The following SMG8 variants were observed in gnomAD, a reference collection of about 807,000 sequenced individuals.
SMG8 encodes SMG8 nonsense mediated mRNA decay factor.
A neutral mutation model predicts 82.1 loss-of-function variants in SMG8; 49 were observed. The observed-to-expected ratio is 0.60, with a 90% confidence interval of 0.47 to 0.76. SMG8 has a LOEUF of 0.76. SMG8 is among the 30% of genes least tolerant of loss of function. The pLI is 0.00. For missense variants in SMG8, 969 were observed against 1,166.4 expected (o/e 0.83, Z 2.46); for synonymous variants, 404 against 430.0 (o/e 0.94, Z 0.75).
Position 59,214,919 on chromosome 17 carries a change from G to C in SMG8, c.2893G>C (p.Gly965Arg). Reference protein sequence around the residue: ...RFPYAYVTERGPCFPPKENVQ... With the variant: ...RFPYAYVTERRPCFPPKENVQ... The stretch of plus-strand genomic sequence containing the variant: ...TCCTTATGCATATGTGACTGAGAGA[G>C]GACCTTGTTTCCCCCCTAAGGAAAA... Residue 965 changes from glycine to arginine, a missense_variant, in exon 4 of 4, where the codon GGA becomes CGA. Transcript: ENST00000300917. 1.1e-6 allele frequency: 1 copy of C among 872,876 alleles called. No homozygotes were observed. Among genetic ancestry groups the C allele is most frequent in the Admixed American group, 1.7e-5 (1 of 59,154 alleles). 54.1% of individuals were successfully genotyped at this position (872,876 alleles called of 1,614,324 possible).
Position 59,213,055 on chromosome 17 carries a change from T to A in SMG8, c.2232T>A (p.Val744=), listed in dbSNP as rs1228944933. The part of the protein sequence containing the change: ...PNFVDRQAST[V]EYLPGMLHSN... The stretch of plus-strand genomic sequence containing the variant: ...TCGTTGATCGACAGGCATCCACAGT[T>A]GAGTATCTCCCAGGCATGCTACATT... Residue 744 remains valine (V), a synonymous_variant, in exon 3 of 4, where the codon GTT becomes GTA. Transcript: ENST00000300917. 1 of 1,614,050 alleles carries A rather than the reference T, an allele frequency of 6.2e-7. No individual in the cohort carries two copies. Among genetic ancestry groups the A allele is most frequent in the Admixed American group, 1.7e-5 (1 of 59,996 alleles).
chr17:59,210,444 C>T lies in SMG8; in HGVS notation c.393C>T (p.Gly131=), dbSNP rs1202270964. Residue 131 remains glycine, a synonymous_variant, in exon 1 of 4, where the codon GGC becomes GGT. Transcript: ENST00000300917. ...CGGAAGGTAACCGAACTGAGGCAGG[C>T]TCCCAGGACTACAGCCTTCTGCAGG... is the stretch of plus-strand genomic sequence containing the variant. ...AVAEGNRTEA[G]SQDYSLLQAY... 3 of 1,608,460 alleles carry T rather than the reference C, an allele frequency of 1.9e-6. No individual in the cohort carries two copies. The highest frequency in any genetic ancestry group is 1.3e-5 in the African/African-American group (1 of 74,878).
intron 1 of SMG8, 149 bp downstream of exon 1, chr17:59,211,959 T>G: frequency 1.6e-6 from 1 of 628,530 alleles, no homozygotes. Flanking sequence ...TCTCTCCTGC[T>G]GTAAAAGGAA....
chr17:59,215,050 T>G lies in SMG8; in HGVS notation c.*48T>G. On this transcript the variant is annotated 3_prime_UTR_variant, in exon 4 of 4. Transcript: ENST00000300917. ...CTATACTTGAGCTGGTTTTTGTTTT[T>G]GGTATTTGTGGCTGTGTTTTTGGTA... The G allele has an allele frequency of 3.5e-6, 3 of 853,410 alleles. No homozygotes were observed. The highest frequency in any genetic ancestry group is 6.1e-6 in the Non-Finnish European group (3 of 488,914). 52.9% of individuals were successfully genotyped at this position (853,410 alleles called of 1,614,324 possible).
In SMG8 at chr17:59,212,916, G is replaced by A; in HGVS notation, c.2093G>A (p.Ser698Asn). Residue 698 changes from serine (S) to asparagine (N), a missense_variant, in exon 3 of 4, where the codon AGT becomes AAT. Transcript: ENST00000300917. Reference sequence around the variant, plus strand: ...AGCACGAGCCTGAGTTTAGCTTTGAGTTTGGGCCAATCCACAGATAGCTTA... The same window carrying A: ...AGCACGAGCCTGAGTTTAGCTTTGAATTTGGGCCAATCCACAGATAGCTTA... ...GESTSLSLAL[S>N]LGQSTDSLGT... 1 of 1,614,118 alleles carries A rather than the reference G, an allele frequency of 6.2e-7. No homozygotes were observed. Among genetic ancestry groups the A allele is most frequent in the Non-Finnish European group, 8.5e-7 (1 of 1,180,032 alleles).
In SMG8 at chr17:59,210,292, C is replaced by T. The variant is rs575102059; in HGVS notation, c.241C>T (p.Arg81Cys). The change falls in exon 1 of 4, where the codon CGC becomes TGC. Residue 81 changes from arginine (R) to cysteine (C), a missense_variant. This residue lies in a region of SMG8 where 206 missense variants were observed against 190.5 expected (regional missense o/e 1.08). Coordinates refer to ENST00000300917, the MANE Select transcript of SMG8 (RefSeq NM_018149.7). ...VCDRQVFPLF[R>C]HQDPGDPGPG... ...CGACCGACAGGTCTTTCCTCTCTTT[C>T]GCCACCAAGATCCTGGGGATCCAGG... 76 of 1,613,058 alleles carry T rather than the reference C, an allele frequency of 4.7e-5. 2 individuals are homozygous for T. The Middle Eastern group carries it at 8.2e-4, about 18-fold the overall frequency.
At position 59,210,093 on chromosome 17, in the gene SMG8, A is replaced by G. The variant is rs6503905; in HGVS notation, c.42A>G (p.Ala14=). ...GCTTGCGAGACCTTCTAATGGGAGC[A>G]TCAGCCTGGATGGGCTCTGAAAGTC... The part of the protein sequence containing the change: ...PVSLRDLLMG[A]SAWMGSESPG... The change falls in exon 1 of 4, where the codon GCA becomes GCG. Residue 14 remains alanine (A), a synonymous_variant. Coordinates refer to ENST00000300917, the MANE Select transcript of SMG8 (RefSeq NM_018149.7). The G allele has an allele frequency of 0.64, 1,012,782 of 1,577,986 alleles. 329,630 individuals are homozygous for G. The highest frequency in any genetic ancestry group is 0.9 in the African/African-American group (66,367 of 73,454).
Position 59,211,529 on chromosome 17 carries a change from C to T in SMG8, c.1478C>T (p.Thr493Ile). Residue 493 changes from threonine to isoleucine, a missense_variant, in exon 1 of 4, where the codon ACA becomes ATA. Physicochemically the swap from Thr to Ile is moderately conservative, Grantham distance 89. This residue lies in a region of SMG8 where 662 missense variants were observed against 884.8 expected (regional missense o/e 0.75). Transcript: ENST00000300917. ...TTGGAAGGATTTTTGGATATTGACA[C>T]AAAATTCTCAGAAAACCGATGCCAA... ...KVLEGFLDID[T>I]KFSENRCQKA... 1 of 1,613,980 alleles carries T rather than the reference C, an allele frequency of 6.2e-7. No homozygotes were observed. The highest frequency in any genetic ancestry group is 8.5e-7 in the Non-Finnish European group (1 of 1,180,012).
At position 59,214,947 on chromosome 17, in the gene SMG8, T is replaced by G. The variant is rs903155377; in HGVS notation, c.2921T>G (p.Val974Gly). Residue 974 changes from valine to glycine, a missense_variant, in exon 4 of 4, where the codon GTG becomes GGG. Physicochemically the swap from Val to Gly is moderately radical, Grantham distance 109 (BLOSUM62 -3). Coordinates refer to ENST00000300917, the MANE Select transcript of SMG8 (RefSeq NM_018149.7). ...CCTTGTTTCCCCCCTAAGGAAAATG[T>G]GCAGTTAATGAGCTACAAGGTGCTC... The part of the protein sequence containing the change: ...RGPCFPPKEN[V>G]QLMSYKVLRG... 1.1e-6 allele frequency: 1 copy of G among 872,810 alleles called. No homozygotes were observed. The highest frequency in any genetic ancestry group is 2.0e-6 in the Non-Finnish European group (1 of 501,676). The allele number at this position is 872,810 out of a possible 1,614,324, so 54.1% of individuals were successfully genotyped here.
intron 1 of SMG8, 81 bp downstream of exon 1, chr17:59,211,891 A>G (rs909481682): frequency 5.9e-5 from 73 of 1,242,304 alleles, no homozygotes; most frequent in Non-Finnish European, 7.8e-5. Context: ...TCTGTTCACT[A>G]TGTATTGATA....
Position 59,213,527 on chromosome 17 carries a change from C to T in SMG8, c.2704C>T (p.Pro902Ser). The change falls in exon 3 of 4, where the codon CCT becomes TCT. Residue 902 changes from proline to serine, a missense_variant. Coordinates refer to ENST00000300917, the MANE Select transcript of SMG8 (RefSeq NM_018149.7). Reference sequence around the variant, plus strand: ...ATCCTCTCAAGGTAGAGGGCTGAAACCTCATTATGCTCAACTTATGAGGCT... The same window carrying T: ...ATCCTCTCAAGGTAGAGGGCTGAAATCTCATTATGCTCAACTTATGAGGCT... ...LSSSQGRGLK[P>S]HYAQLMRLFV... 1 of 1,614,160 alleles carries T rather than the reference C, an allele frequency of 6.2e-7. No homozygotes were observed. Among genetic ancestry groups the T allele is most frequent in the South Asian group, 1.1e-5 (1 of 91,062 alleles).
rs148984334 is a variant in SMG8, at chr17:59,210,225, A to G, written c.174A>G (p.Leu58=). 41 of 1,608,322 alleles carry G rather than the reference A, an allele frequency of 2.5e-5. No homozygotes were observed. Among genetic ancestry groups the G allele is most frequent in the Middle Eastern group, 3.3e-4 (2 of 6,052 alleles). Residue 58 remains leucine, a synonymous_variant, in exon 1 of 4, where the codon CTA becomes CTG. Coordinates refer to ENST00000300917, the MANE Select transcript of SMG8 (RefSeq NM_018149.7). ...TGGGAATCTTCGGCAAGACGGCTCT[A>G]CGCCTGAATTCCGAGAAGTTCTCTC... The part of the protein sequence containing the change: ...CVVGIFGKTA[L]RLNSEKFSLV...
rs1440142457 is a variant in SMG8, at chr17:59,212,774, C to A, written c.1951C>A (p.Pro651Thr). ...CCGKLDHINFPVFEPSTPDPA... is the reference protein window; with the variant it reads ...CCGKLDHINFTVFEPSTPDPA... ...TGGAAAATTGGATCATATCAATTTC[C>A]CAGTATTTGAACCAAGTACTCCAGA... Residue 651 changes from proline to threonine, a missense_variant, in exon 3 of 4, where the codon CCA (proline) becomes ACA (threonine). Pro to Thr is a conservative substitution (Grantham distance 38). Transcript: ENST00000300917. 6.2e-7 allele frequency: 1 copy of A among 1,611,078 alleles called. No homozygotes were observed. The highest frequency in any genetic ancestry group is 1.7e-5 in the Admixed American group (1 of 59,098).
At position 59,210,724 on chromosome 17, in the gene SMG8, C is replaced by A. The variant is rs1172637699; in HGVS notation, c.673C>A (p.Arg225=). 1 of 1,614,020 alleles carries A rather than the reference C, an allele frequency of 6.2e-7. No homozygotes were observed. The highest frequency in any genetic ancestry group is 1.1e-5 in the South Asian group (1 of 91,060). ...TTGTTCCTTTGATATCACTTATGAT[C>A]GAGTATTCAGAGCCCTGGATGGGCT... ...PTCSFDITYD[R]VFRALDGLRQ... Residue 225 remains arginine (R), a synonymous_variant, in exon 1 of 4, where the codon CGA becomes AGA. Transcript: ENST00000300917.
Position 59,210,210 on chromosome 17 carries a change from C to T in SMG8, c.159C>T (p.Phe53=). ...REDEICVVGI[F]GKTALRLNSE... is the part of the protein sequence containing the mutation. ...ATGAGATCTGCGTTGTGGGAATCTT[C>T]GGCAAGACGGCTCTACGCCTGAATT... Residue 53 remains phenylalanine (F), a synonymous_variant, in exon 1 of 4, where the codon TTC becomes TTT. Transcript: ENST00000300917. 1.1e-5 allele frequency: 18 copies of T among 1,602,184 alleles called. No homozygotes were observed. Among genetic ancestry groups the T allele is most frequent in the Non-Finnish European group, 1.5e-5 (18 of 1,174,246 alleles).
At position 59,213,575 on chromosome 17, in the gene SMG8, C is replaced by G. The variant is rs1292499397; in HGVS notation, c.2752C>G (p.Pro918Ala). 6.2e-7 allele frequency: 1 copy of G among 1,612,548 alleles called. No individual in the cohort carries two copies. The change falls in exon 3 of 4, where the codon CCT becomes GCT. Residue 918 changes from proline to alanine, a missense_variant. By Grantham distance (27) the Pro-to-Ala change is conservative. Coordinates refer to ENST00000300917, the MANE Select transcript of SMG8 (RefSeq NM_018149.7). ...GCTTTTTGTTGTGGTTCCTGATGCTCCTTTGCAGATAATACTAATGCCTCA... is the reference window on the plus strand; with the variant it reads ...GCTTTTTGTTGTGGTTCCTGATGCTGCTTTGCAGATAATACTAATGCCTCA... ...MRLFVVVPDAPLQIILMPQVQ... is the reference protein window; with the variant it reads ...MRLFVVVPDAALQIILMPQVQ...
rs193279617 is a variant in SMG8 at position 59,210,164 on chromosome 17, C to T, written c.113C>T (p.Pro38Leu). The change falls in exon 1 of 4, where the codon CCG (proline) becomes CTG (leucine). Residue 38 changes from proline to leucine, a missense_variant. Coordinates refer to ENST00000300917, the MANE Select transcript of SMG8 (RefSeq NM_018149.7). ...TEGGGSAAGG[P>L]EPPWREDEIC... The stretch of plus-strand genomic sequence containing the variant: ...GGCGGAGGGAGCGCGGCTGGCGGAC[C>T]GGAGCCTCCATGGCGGGAGGATGAG... 5 of 1,590,318 alleles carry T rather than the reference C, an allele frequency of 3.1e-6. No individual in the cohort carries two copies. The highest frequency in any genetic ancestry group is 4.3e-6 in the Non-Finnish European group (5 of 1,168,740).
rs201711374 is a variant in SMG8 at position 59,213,540 on chromosome 17, A to T, written c.2717A>T (p.Gln906Leu). The T allele has an allele frequency of 1.2e-6, 2 of 1,614,128 alleles. No individual in the cohort carries two copies. Among genetic ancestry groups the T allele is most frequent in the East Asian group, 4.5e-5 (2 of 44,884 alleles). Residue 906 changes from glutamine (Q) to leucine (L), a missense_variant, in exon 3 of 4, where the codon CAA becomes CTA. Gln to Leu is a moderately radical substitution (Grantham distance 113). Transcript: ENST00000300917. ...AGAGGGCTGAAACCTCATTATGCTC[A>T]ACTTATGAGGCTTTTTGTTGTGGTT... ...QGRGLKPHYA[Q>L]LMRLFVVVPD...
At chr17:59,214,009 A>G (rs973370463) in intron 3 of SMG8, among the ~76,000 whole-genome samples, 2 of 152,238 alleles carry the variant, frequency 1.3e-5, no homozygotes. Flanking sequence ...AAGGCCGGGT[A>G]CAGTGAGTCA....
Sources: allele counts gnomAD v4.1 joint callset (sites outside exome capture counted in the v4.1 genomes callset), GRCh38; gene constraint gnomAD v4.1.1; regional missense constraint gnomAD v4.1.1; transcripts MANE v1.5; gene names NCBI Gene and HGNC (gene_info 2026-07-23, HGNC 2026-07-21).